DPP6: variants seen among roughly 807,000 people sequenced by gnomAD.
DPP6 encodes A-type potassium channel modulatory protein DPP6.
Under a neutral mutation model 122.6 loss-of-function variants are expected in DPP6, and 69 were observed. The observed-to-expected ratio is 0.56, with a 90% CI of 0.46 to 0.69. DPP6 has a LOEUF of 0.69. Ranked by LOEUF, DPP6 falls within the 30% of genes least tolerant of loss-of-function variation. The pLI is 0.00. For missense variants in DPP6, 928 were observed against 1,116.9 expected (o/e 0.83, Z 2.41); for synonymous variants, 418 against 433.1 (o/e 0.97, Z 0.43).
intron 3 of DPP6, among the ~76,000 whole-genome samples, chr7:154,525,606 T>C (rs946390400): frequency 1.3e-5 from 2 of 152,240 alleles, no homozygotes; most frequent in East Asian, 1.9e-4. Context: ...ACAGCTAATA[T>C]GCAGTAACTG....
intron 1 of DPP6, among the ~76,000 whole-genome samples, chr7:154,085,011 A>AAAAC (rs1473084161): frequency 5.7e-4 from 86 of 150,912 alleles, no homozygotes; most frequent in Non-Finnish European, 1.0e-3. Flanking sequence ...AAAAAAAAAA[A>AAAAC]CAGGTGCCTT....
rs1804940537 is a variant in DPP6 at position 154,877,200 on chromosome 7, A to G, written c.2078+1100A>G. 6.6e-6 allele frequency: 1 copy of G among 152,242 alleles called. No homozygotes were observed. Among genetic ancestry groups the G allele is most frequent in the African/African-American group, 2.4e-5 (1 of 41,454 alleles). The allele number at this position is 152,242 out of a possible 1,614,324, so 9.4% of individuals were successfully genotyped here. ...GCGAATGGTCTTTCAATGGAAAACA[A>G]TGAGCGTGTGAATGAATGGTTCCGG... On this transcript the variant is annotated intron_variant, in intron 20 of 25. Transcript: ENST00000377770. The surrounding 1 kb of genome is among the most constrained non-coding windows in gnomAD (Gnocchi z 5.2).
chr7:154,269,536 C>T (rs1327061986), intron 1 of DPP6, among the ~76,000 whole-genome samples: 2 of 152,208 alleles, frequency 1.3e-5, no homozygotes, highest in Non-Finnish European at 2.9e-5. Context: ...TGAGAACAAG[C>T]TTTGCACTTA....
At chr7:154,702,913 G>C (rs1419198846) in intron 7 of DPP6, among the ~76,000 whole-genome samples, 1 of 152,186 alleles carries the variant, frequency 6.6e-6, no homozygotes, top group Middle Eastern at 3.2e-3. Flanking sequence ...TCAATGCCTG[G>C]CTTTAAAGCT....
the DPP6 span, among the ~76,000 whole-genome samples, chr7:153,798,227 C>A: frequency 0.012 from 1,834 of 152,220 alleles, 41 homozygotes; most frequent in African/African-American, 0.042. Context: ...TTCCCAAAGG[C>A]CCCACTTCCC....
At chr7:153,804,325 T>C in the DPP6 span, among the ~76,000 whole-genome samples, 1 of 152,114 alleles carries the variant, frequency 6.6e-6, no homozygotes, top group Non-Finnish European at 1.5e-5. Flanking sequence ...GTGCTGAGAT[T>C]ACAGGCATGA....
At chr7:154,620,120 C>A (rs1834540606) in intron 5 of DPP6, among the ~76,000 whole-genome samples, 1 of 152,166 alleles carries the variant, frequency 6.6e-6, no homozygotes, top group African/African-American at 2.4e-5. Flanking sequence ...CAGACCCCAG[C>A]TCCTCTAGAG....
At chr7:153,760,962 C>T in the DPP6 span, among the ~76,000 whole-genome samples, 1 of 152,100 alleles carries the variant, frequency 6.6e-6, no homozygotes, top group Non-Finnish European at 1.5e-5. Flanking sequence ...CTGTAGCTGC[C>T]TTGTTCTCCC....
chr7:154,331,022 C>T (rs1213562858), intron 1 of DPP6, among the ~76,000 whole-genome samples: 1 of 152,192 alleles, frequency 6.6e-6, no homozygotes, highest in Non-Finnish European at 1.5e-5. Flanking sequence ...ATGAGGGCAC[C>T]TCAAGATCCT....
At chr7:153,834,159 C>T in the DPP6 span, among the ~76,000 whole-genome samples, 9 of 151,724 alleles carry the variant, frequency 5.9e-5, no homozygotes, top group South Asian at 4.2e-4. Context: ...TGGCAGTGGG[C>T]GCCTGTAGTC....
chr7:154,394,253 CTGTT>C (rs962708918), intron 1 of DPP6, among the ~76,000 whole-genome samples: 4 of 152,076 alleles, frequency 2.6e-5, no homozygotes, highest in African/African-American at 7.2e-5. Context: ...AACTTATTTT[CTGTT>C]TGTTTGTTTG....
chr7:153,771,579 A>G, the DPP6 span, among the ~76,000 whole-genome samples: 2 of 152,126 alleles, frequency 1.3e-5, no homozygotes, highest in East Asian at 1.9e-4. Flanking sequence ...AGCTGAAGTG[A>G]TCCACCTGCC....
At chr7:154,215,171 G>A (rs1799934570) in intron 1 of DPP6, among the ~76,000 whole-genome samples, 1 of 152,200 alleles carries the variant, frequency 6.6e-6, no homozygotes, top group African/African-American at 2.4e-5. Flanking sequence ...ATGGCGGAAG[G>A]TGGAAGGCAA....
chr7:154,106,835 C>T (rs529568878), intron 1 of DPP6, among the ~76,000 whole-genome samples: 9 of 152,112 alleles, frequency 5.9e-5, no homozygotes, highest in East Asian at 1.9e-4. Context: ...CAGGGGCCTC[C>T]GGAAGTGAGG....
At chr7:153,897,075 A>C (rs1799444948) in intron 1 of DPP6, among the ~76,000 whole-genome samples, 1 of 152,224 alleles carries the variant, frequency 6.6e-6, no homozygotes, top group Non-Finnish European at 1.5e-5. Flanking sequence ...CACAGCTTCC[A>C]AAATAATTTT....
chr7:154,820,695 A>G (rs1406783751), intron 16 of DPP6, among the ~76,000 whole-genome samples: 1 of 152,228 alleles, frequency 6.6e-6, no homozygotes, highest in African/African-American at 2.4e-5. Context: ...GCTATGAAAA[A>G]TAGATCCAAC....
intron 1 of DPP6, among the ~76,000 whole-genome samples, chr7:154,445,789 A>G (rs1023357824): frequency 2.0e-5 from 3 of 151,920 alleles, no homozygotes; most frequent in African/African-American, 7.2e-5. Context: ...AAAAAAAAAA[A>G]AGGGAATGAT....
chr7:154,627,662 A>G (rs990880142), intron 5 of DPP6, among the ~76,000 whole-genome samples: 9 of 152,184 alleles, frequency 5.9e-5, no homozygotes, highest in Non-Finnish European at 1.0e-4. Flanking sequence ...GGGAGGACTG[A>G]TTCATTCAGG....
intron 1 of DPP6, among the ~76,000 whole-genome samples, chr7:154,199,552 T>A (rs1324937836): frequency 2.6e-5 from 4 of 152,188 alleles, no homozygotes; most frequent in Non-Finnish European, 5.9e-5. Context: ...CATAGAAGCC[T>A]AGCACTGAGT....
Sources: allele counts gnomAD v4.1 joint callset (sites outside exome capture counted in the v4.1 genomes callset), GRCh38; gene constraint gnomAD v4.1.1; non-coding constraint Gnocchi (gnomAD v3.1); transcripts MANE v1.5; gene names NCBI Gene and HGNC (gene_info 2026-07-23, HGNC 2026-07-21).